Variants in ADGRG1 observed in about 807,000 individuals in gnomAD.
ADGRG1 encodes the protein adhesion G protein-coupled receptor G1.
Under a neutral mutation model 73.5 loss-of-function variants are expected in ADGRG1, and 53 were observed. The ratio of observed to expected loss-of-function variants is 0.72; its 90% CI spans 0.58 to 0.91. ADGRG1 has a LOEUF of 0.91. Ranked by LOEUF, ADGRG1 falls within the 40% of genes least tolerant of loss-of-function variation. The probability of loss-of-function intolerance (pLI) is 0.00; values close to 1 mark genes in which losing one functional copy is unlikely to be tolerated. For synonymous variants in ADGRG1, 394 were observed against 374.4 expected (o/e 1.05, Z -0.60); for missense variants, 795 against 871.8 (o/e 0.91, Z 1.11).
chr16:57,648,739 C>T (rs756887524), intron 1 of ADGRG1: 35 of 981,618 alleles, frequency 3.6e-5, no homozygotes, highest in Admixed American at 6.1e-5. Flanking sequence ...TGCCGCGCCA[C>T]GCAGGATGAG....
intron 1 of ADGRG1, among the ~76,000 whole-genome samples, chr16:57,644,392 A>T (rs1366716856): frequency 6.8e-6 from 1 of 148,026 alleles, no homozygotes; most frequent in East Asian, 2.0e-4. Context: ...ACACAGACAT[A>T]TGCACACTAA....
rs932212154 is a variant in ADGRG1 at position 57,628,667 on chromosome 16, G to A, written c.-171G>A. The A allele has an allele frequency of 2.0e-6, 2 of 985,426 alleles. No individual in the cohort carries two copies. The highest frequency in any genetic ancestry group is 3.5e-5 in the African/African-American group (2 of 57,254). 61.0% of individuals were successfully genotyped at this position (985,426 alleles called of 1,614,324 possible). A position where few individuals can be genotyped will look rare whatever the true frequency, so the allele number is the denominator to read the frequency against. ...TGCCCTGCCCTGCCGTAGGAGATGG[G>A]CTGGGAGCCTCCCACGCTCTCCAGC... On this transcript the variant is annotated 5_prime_UTR_variant, in exon 1 of 14. Transcript: ENST00000562631.
Position 57,632,147 on chromosome 16 carries a change from C to G in ADGRG1, c.-36+3345C>G, listed in dbSNP as rs1216343100. 3.0e-6 allele frequency: 3 copies of G among 985,334 alleles called. No homozygotes were observed. In the African/African-American group the frequency reaches 5.2e-5, roughly 17 times the overall value. 61.0% of individuals were successfully genotyped at this position (985,334 alleles called of 1,614,324 possible). On this transcript the variant is annotated intron_variant, in intron 1 of 13. Transcript: ENST00000562631. ...AGGGGAGGCTTACCCAGTGAGCAAC[C>G]CCACATCTTTGGGGATCCAGAATTT...
chr16:57,625,188 C>A (rs1231141325), upstream of ADGRG1, among the ~76,000 whole-genome samples: 9 of 151,840 alleles, frequency 5.9e-5, no homozygotes, highest in African/African-American at 1.9e-4. Flanking sequence ...GATGCCATGA[C>A]CTTCTCTGGG....
intron 10 of ADGRG1, chr16:57,659,198 G>T: frequency 1.0e-6 from 1 of 985,432 alleles, no homozygotes; most frequent in Non-Finnish European, 1.2e-6. Flanking sequence ...CGTGCACGTG[G>T]TGCCTGAGTC....
chr16:57,626,642 C>T (rs1361321058), upstream of ADGRG1: 3 of 985,306 alleles, frequency 3.0e-6, no homozygotes, highest in East Asian at 2.3e-4. Context: ...GCACTCTCTT[C>T]AGCCATCTGC....
Position 57,661,802 on chromosome 16 carries a change from C to T in ADGRG1, c.1770C>T (p.Ile590=). The part of the protein sequence containing the change: ...MAMLATMVVQ[I]LRLRPHTQKW... ...TGCTAGCCACCATGGTGGTGCAGAT[C>T]CTGCGGCTGCGCCCCCACACCCAAA... The change falls in exon 13 of 14, where the codon ATC becomes ATT. Residue 590 remains isoleucine, a synonymous_variant. Coordinates refer to ENST00000562631, the MANE Select transcript of ADGRG1 (RefSeq NM_201525.4). The T allele has an allele frequency of 6.2e-7, 1 of 1,614,250 alleles. No individual in the cohort carries two copies. The highest frequency in any genetic ancestry group is 2.2e-5 in the East Asian group (1 of 44,892).
chr16:57,639,228 G>T, intron 1 of ADGRG1: 2 of 984,174 alleles, frequency 2.0e-6, no homozygotes, highest in Non-Finnish European at 2.4e-6. Flanking sequence ...CCCATAAATC[G>T]CTGTCCTAAC....
chr16:57,632,769 G>T (rs1020895920), intron 1 of ADGRG1: 5 of 984,550 alleles, frequency 5.1e-6, no homozygotes, highest in Admixed American at 6.2e-5. Context: ...CTCAGCCCCG[G>T]AGGAGCTGGC....
At chr16:57,645,051 ACT>A (rs1480433425) in intron 1 of ADGRG1, 2 of 983,988 alleles carry the variant, frequency 2.0e-6, no homozygotes, top group Non-Finnish European at 2.4e-6. Flanking sequence ...ACATACACAC[ACT>A]CATGCACACG....
At chr16:57,624,000 G>A (rs570117597), upstream of ADGRG1, 2 of 266,092 alleles carry the variant, frequency 7.5e-6, no homozygotes, top group African/African-American at 2.3e-5. Context: ...TGTAGAGGAG[G>A]TAGTAGATGT....
rs2047813978 is a variant in ADGRG1 at position 57,663,642 on chromosome 16, G to C, written c.*60G>C. ...GATTCGGCCTCGTCGCACACTGCCT[G>C]TGGCCCCCGAGCCCGGCCCAGCCCC... On this transcript the variant is annotated 3_prime_UTR_variant, in exon 14 of 14. Transcript: ENST00000562631. 5.0e-6 allele frequency: 8 copies of C among 1,586,472 alleles called. No homozygotes were observed. Among genetic ancestry groups the C allele is most frequent in the Non-Finnish European group, 6.9e-6 (8 of 1,165,744 alleles).
At position 57,665,161 on chromosome 16, in the gene ADGRG1, GA is replaced by G. The variant is rs57510730; in HGVS notation, c.*1591del. Reference sequence around the variant, plus strand: ...AAGAGAGAAGAGGGCTGTGTGTGAAGAAAAAAAAAAAATCGACTGCTGGAAA... The same window carrying G: ...AAGAGAGAAGAGGGCTGTGTGTGAAGAAAAAAAAAAATCGACTGCTGGAAA... On this transcript the variant is annotated 3_prime_UTR_variant, in exon 14 of 14. Transcript: ENST00000562631. 2.7e-3 allele frequency: 384 copies of G among 143,596 alleles called. No homozygotes were observed. Among genetic ancestry groups the G allele is most frequent in the East Asian group, 0.011 (50 of 4,520 alleles). 8.9% of individuals were successfully genotyped at this position (143,596 alleles called of 1,614,324 possible). A position where few individuals can be genotyped will look rare whatever the true frequency, so the allele number is the denominator to read the frequency against.
intron 1 of ADGRG1, chr16:57,647,571 G>A: frequency 2.1e-6 from 1 of 478,934 alleles, no homozygotes; most frequent in Non-Finnish European, 2.7e-6. Context: ...AGTGAGGAAA[G>A]CGAGGCCCAG....
At position 57,659,896 on chromosome 16, in the gene ADGRG1, A is replaced by G. The variant is rs115493730; in HGVS notation, c.1555+215A>G. 0.012 allele frequency among the ~76,000 whole-genome samples: 1,837 copies of G among 152,244 alleles called. 43 individuals carry two copies. Among genetic ancestry groups the G allele is most frequent in the African/African-American group, 0.042 (1,750 of 41,544 alleles). Reference sequence around the variant, plus strand: ...CAAGAAACACTTCCAAATTCTCCACATCACTCACTCCATTGCAAAGGGGAT... The same window carrying G: ...CAAGAAACACTTCCAAATTCTCCACGTCACTCACTCCATTGCAAAGGGGAT... On this transcript the variant is annotated intron_variant, in intron 11 of 13. Coordinates refer to ENST00000562631, the MANE Select transcript of ADGRG1 (RefSeq NM_201525.4).
chr16:57,624,300 G>C (rs1288060263), upstream of ADGRG1: 4 of 251,720 alleles, frequency 1.6e-5, no homozygotes, highest in Middle Eastern at 1.9e-3. Context: ...AGGAGTTCAA[G>C]ACTAGCGTGG....
In ADGRG1 at chr16:57,657,467, C is replaced by T; in HGVS notation, c.1262C>T (p.Thr421Ile). 6.2e-7 allele frequency: 1 copy of T among 1,613,792 alleles called. No individual in the cohort carries two copies. The highest frequency in any genetic ancestry group is 8.5e-7 in the Non-Finnish European group (1 of 1,179,728). Residue 421 changes from threonine to isoleucine, a missense_variant, in exon 10 of 14, where the codon ACC (threonine) becomes ATC (isoleucine). Physicochemically the swap from Thr to Ile is moderately conservative, Grantham distance 89. Coordinates refer to ENST00000562631, the MANE Select transcript of ADGRG1 (RefSeq NM_201525.4). ...CVVSALACLVTIAAYLCSRRK... is the reference protein window; with the variant it reads ...CVVSALACLVIIAAYLCSRRK... Reference sequence around the variant, plus strand: ...GTCTCTGCCCTGGCCTGCCTTGTCACCATTGCCGCCTACCTCTGCTCCAGG... The same window carrying T: ...GTCTCTGCCCTGGCCTGCCTTGTCATCATTGCCGCCTACCTCTGCTCCAGG...
At chr16:57,655,318 G>GGTGTGTGT in intron 5 of ADGRG1, 81 bp from the exon 6 acceptor site, 1 of 1,534,912 alleles carries the variant, frequency 6.5e-7, no homozygotes, top group African/African-American at 1.4e-5. Context: ...GGAACGGATG[G>GGTGTGTGT]GTGTGTGTGT....
intron 1 of ADGRG1, chr16:57,632,953 A>G: frequency 1.0e-6 from 1 of 985,360 alleles, no homozygotes; most frequent in Non-Finnish European, 1.2e-6. Context: ...CAACTGCAAA[A>G]CAAGGAACAG....
Sources: gnomAD v4.1 joint callset for allele counts (sites outside exome capture counted in the v4.1 genomes callset) on GRCh38, gnomAD v4.1.1 for gene constraint, MANE v1.5 for transcripts, NCBI Gene and HGNC (gene_info 2026-07-23, HGNC 2026-07-21) for gene names.